Variants in CSNK1A1 observed in about 807,000 individuals in gnomAD.
CSNK1A1 encodes the protein casein kinase 1 alpha 1.
Under a neutral mutation model 46.1 loss-of-function variants are expected in CSNK1A1, and 7 were observed. The observed-to-expected ratio is 0.15, with a 90% CI of 0.09 to 0.29. The LOEUF is 0.29. Among genes scored for constraint, CSNK1A1 ranks in the 10% least tolerant of loss-of-function variants. CSNK1A1 has a pLI of 1.00. For synonymous variants in CSNK1A1, 137 were observed against 141.5 expected (o/e 0.97, Z 0.23); for missense variants, 96 against 417.1 (o/e 0.23, Z 6.71).
chr5:149,546,837 T>A (rs1294863631), intron 2 of CSNK1A1, among the ~76,000 whole-genome samples: 1 of 152,140 alleles, frequency 6.6e-6, no homozygotes, highest in Non-Finnish European at 1.5e-5. Flanking sequence ...CGAGTAAATA[T>A]TTATTAAGTA....
At chr5:149,505,073 T>A in intron 9 of CSNK1A1, 1 of 991,740 alleles carries the variant, frequency 1.0e-6, no homozygotes, top group Non-Finnish European at 1.2e-6. Flanking sequence ...TTATTAGAAA[T>A]CAACAAGTGT....
chr5:149,520,991 T>C (rs111416523), intron 3 of CSNK1A1, among the ~76,000 whole-genome samples: 3,142 of 152,306 alleles, frequency 0.021, 44 homozygotes, highest in Non-Finnish European at 0.031. Flanking sequence ...AGTCAAACGC[T>C]ATAGCTCAAA....
chr5:149,521,434 C>A (rs1334058212), intron 3 of CSNK1A1, among the ~76,000 whole-genome samples: 1 of 151,884 alleles, frequency 6.6e-6, no homozygotes, highest in Non-Finnish European at 1.5e-5. Context: ...CTACACCTGG[C>A]TAATTTTTTT....
chr5:149,522,200 G>A (rs535511375), intron 3 of CSNK1A1, among the ~76,000 whole-genome samples: 49 of 151,990 alleles, frequency 3.2e-4, no homozygotes, highest in Admixed American at 3.9e-4. Context: ...TTCAACTTCC[G>A]GGGCTCAAGT....
At chr5:149,544,561 G>A (rs1762403487) in intron 2 of CSNK1A1, among the ~76,000 whole-genome samples, 1 of 150,598 alleles carries the variant, frequency 6.6e-6, no homozygotes. Context: ...ATTTAGAATG[G>A]AACACACAAA....
intron 4 of CSNK1A1, among the ~76,000 whole-genome samples, chr5:149,513,738 A>G (rs926985309): frequency 6.6e-5 from 10 of 152,122 alleles, no homozygotes; most frequent in African/African-American, 2.4e-4. Flanking sequence ...CCACCTCTAC[A>G]AAAAATACAA....
At chr5:149,503,064 C>A in intron 9 of CSNK1A1, 4 of 985,358 alleles carry the variant, frequency 4.1e-6, no homozygotes, top group Non-Finnish European at 4.8e-6. Flanking sequence ...CTGCACCCAG[C>A]TGAGTTATTC....
Position 149,520,328 on chromosome 5 carries a change from C to A in CSNK1A1, c.418G>T (p.Asp140Tyr). 1 of 1,610,390 alleles carries A rather than the reference C, an allele frequency of 6.2e-7. No individual in the cohort carries two copies. Among genetic ancestry groups the A allele is most frequent in the Non-Finnish European group, 8.5e-7 (1 of 1,177,194 alleles). The change falls in exon 4 of 10, where the codon GAT becomes TAT. Residue 140 changes from aspartate to tyrosine, a missense_variant. By Grantham distance (160) the Asp-to-Tyr change is radical. Transcript: ENST00000377843. Reference protein sequence around the residue: ...KNFIHRDIKPDNFLMGIGRHC... With the variant: ...KNFIHRDIKPYNFLMGIGRHC... ...CGCCCAATACCCATTAGGAAGTTATCTGGTTTAATGTCTCTGTGTATAAAA... is the reference window on the plus strand; with the variant it reads ...CGCCCAATACCCATTAGGAAGTTATATGGTTTAATGTCTCTGTGTATAAAA...
At chr5:149,504,624 A>G (rs771771204) in intron 9 of CSNK1A1, 836 of 985,412 alleles carry the variant, frequency 8.5e-4, no homozygotes, top group Non-Finnish European at 9.6e-4. Context: ...TAAGAGTGCC[A>G]AAGAAAAGTA....
chr5:149,504,460 C>T, intron 9 of CSNK1A1: 10 of 985,340 alleles, frequency 1.0e-5, no homozygotes, highest in Non-Finnish European at 1.1e-5. Flanking sequence ...AAATTAGAAA[C>T]CAAGAGCCAA....
chr5:149,501,890 G>A, intron 9 of CSNK1A1: 1 of 965,494 alleles, frequency 1.0e-6, no homozygotes, highest in Non-Finnish European at 1.2e-6. Flanking sequence ...AGTGTGTTGG[G>A]TGTGAATCTT....
intron 2 of CSNK1A1, among the ~76,000 whole-genome samples, chr5:149,538,975 A>T (rs1255665892): frequency 6.6e-6 from 1 of 151,980 alleles, no homozygotes; most frequent in Non-Finnish European, 1.5e-5. Context: ...ATATAATAAA[A>T]GTAGAATTTC....
At chr5:149,527,485 C>T (rs930960579) in intron 2 of CSNK1A1, among the ~76,000 whole-genome samples, 9 of 152,110 alleles carry the variant, frequency 5.9e-5, no homozygotes, top group Non-Finnish European at 2.9e-5. Context: ...TGTTATTTTC[C>T]CTCTTCCACT....
At chr5:149,537,313 T>C (rs1762089030) in intron 2 of CSNK1A1, among the ~76,000 whole-genome samples, 1 of 152,014 alleles carries the variant, frequency 6.6e-6, no homozygotes, top group Admixed American at 6.6e-5. Context: ...GAGGCAGAGG[T>C]TGCAGTGAGC....
intron 3 of CSNK1A1, among the ~76,000 whole-genome samples, chr5:149,522,755 T>C (rs575769337): frequency 2.6e-5 from 4 of 152,352 alleles, no homozygotes; most frequent in African/African-American, 4.8e-5. Context: ...CAGAATTATA[T>C]TTTTTCACAT....
At chr5:149,539,686 T>C (rs931485880) in intron 2 of CSNK1A1, among the ~76,000 whole-genome samples, 2 of 152,160 alleles carry the variant, frequency 1.3e-5, no homozygotes, top group African/African-American at 4.8e-5. Flanking sequence ...CCCAATTTAA[T>C]TAAATCAAAA....
chr5:149,519,138 C>A (rs1337381877), intron 4 of CSNK1A1, among the ~76,000 whole-genome samples: 3 of 152,090 alleles, frequency 2.0e-5, no homozygotes, highest in Non-Finnish European at 4.4e-5. Flanking sequence ...AAACACCTTT[C>A]ATTATTTAAA....
At chr5:149,508,344 C>T (rs752713448) in intron 7 of CSNK1A1, among the ~76,000 whole-genome samples, 6 of 151,876 alleles carry the variant, frequency 4.0e-5, no homozygotes, top group Non-Finnish European at 5.9e-5. Context: ...ATTTATGGCC[C>T]GTGTTAATGG....
chr5:149,497,379 C>T (rs1475729937), intron 9 of CSNK1A1: 1 of 985,814 alleles, frequency 1.0e-6, no homozygotes, highest in Non-Finnish European at 1.2e-6. Context: ...GTAGAGAAAC[C>T]TTAGACCTTT....
Sources: gnomAD v4.1 joint callset for allele counts (sites outside exome capture counted in the v4.1 genomes callset) on GRCh38, gnomAD v4.1.1 for gene constraint, MANE v1.5 for transcripts, NCBI Gene and HGNC (gene_info 2026-07-23, HGNC 2026-07-21) for gene names.